ANO6: variants seen among roughly 807,000 people sequenced by gnomAD.
ANO6 encodes anoctamin-6.
Under a neutral mutation model 117.5 loss-of-function variants are expected in ANO6, and 106 were observed. That is an observed-to-expected ratio of 0.90 (90% confidence interval 0.77 to 1.06). The LOEUF is 1.06. Ranked by LOEUF, ANO6 falls within the 50% of genes least tolerant of loss-of-function variation. The pLI, the probability that ANO6 is intolerant of heterozygous loss-of-function variation, is 0.00. For missense variants in ANO6, 955 were observed against 1,121.1 expected (o/e 0.85, Z 2.12); for synonymous variants, 367 against 385.1 (o/e 0.95, Z 0.55).
At chr12:45,311,013 CT>C (rs940460127) in intron 2 of ANO6, among the ~76,000 whole-genome samples, 65 of 151,968 alleles carry the variant, frequency 4.3e-4, no homozygotes, top group African/African-American at 1.5e-3. Flanking sequence ...GAATACATTA[CT>C]TTTTTTTCAA....
At chr12:45,401,129 A>G (rs1942775399) in intron 12 of ANO6, among the ~76,000 whole-genome samples, 1 of 152,200 alleles carries the variant, frequency 6.6e-6, no homozygotes, top group South Asian at 2.1e-4. Flanking sequence ...CTGAGTGTGA[A>G]AAGTGTGTGA....
At chr12:45,220,177 CCAAAAAAGA>C (rs1234866410) in intron 1 of ANO6, among the ~76,000 whole-genome samples, 2 of 151,756 alleles carry the variant, frequency 1.3e-5, no homozygotes, top group South Asian at 2.1e-4. Flanking sequence ...AAAAGTGGTT[CCAAAAAAGA>C]CTATCAGGAA....
chr12:45,361,851 G>A (rs957709203), intron 8 of ANO6, among the ~76,000 whole-genome samples: 3 of 152,010 alleles, frequency 2.0e-5, no homozygotes, highest in Non-Finnish European at 4.4e-5. Context: ...GATCCCACTT[G>A]GTCATAGTAT....
chr12:45,333,858 G>C (rs1233018758), intron 3 of ANO6, among the ~76,000 whole-genome samples: 3 of 151,872 alleles, frequency 2.0e-5, no homozygotes, highest in Admixed American at 2.0e-4. Context: ...TCAAAATCCT[G>C]TTTTCTTTGA....
intron 14 of ANO6, 76 bp from the exon 15 acceptor site, chr12:45,403,363 T>C: frequency 6.5e-7 from 1 of 1,527,226 alleles, no homozygotes; most frequent in African/African-American, 1.4e-5. Context: ...AGAACAAATG[T>C]CAGAAAAATA....
At chr12:45,247,576 C>G (rs141572563) in intron 1 of ANO6, among the ~76,000 whole-genome samples, 2 of 152,332 alleles carry the variant, frequency 1.3e-5, no homozygotes, top group Admixed American at 6.5e-5. Context: ...GTACCACAGT[C>G]TCTACAGCTT....
intron 10 of ANO6, among the ~76,000 whole-genome samples, chr12:45,387,893 G>A (rs754039524): frequency 3.3e-5 from 5 of 151,910 alleles, no homozygotes; most frequent in Non-Finnish European, 7.4e-5. Context: ...ACTTTCCTCC[G>A]TGCTCTCTCT....
At chr12:45,285,746 AAG>A (rs1491510944) in intron 1 of ANO6, among the ~76,000 whole-genome samples, 3 of 152,000 alleles carry the variant, frequency 2.0e-5, no homozygotes, top group South Asian at 4.1e-4. Flanking sequence ...AAAAAAGAAA[AAG>A]AAAAAAAAAG....
intron 3 of ANO6, among the ~76,000 whole-genome samples, chr12:45,342,225 A>C (rs1483047566): frequency 6.6e-6 from 1 of 152,302 alleles, no homozygotes; most frequent in East Asian, 1.9e-4. Flanking sequence ...AGTCCCTTGA[A>C]GGTGATGAGT....
intron 1 of ANO6, among the ~76,000 whole-genome samples, chr12:45,279,654 T>A (rs558406419): frequency 6.6e-6 from 1 of 152,342 alleles, no homozygotes; most frequent in South Asian, 2.1e-4. Flanking sequence ...GACACTTGGG[T>A]TCCATTCCCA....
At chr12:45,385,949 C>T (rs1002834703) in intron 10 of ANO6, among the ~76,000 whole-genome samples, 3 of 152,326 alleles carry the variant, frequency 2.0e-5, no homozygotes, top group Admixed American at 1.3e-4. Flanking sequence ...CATCCCAAGA[C>T]TGCCTCCTGC....
intron 3 of ANO6, among the ~76,000 whole-genome samples, chr12:45,344,582 C>T (rs151191199): frequency 2.0e-5 from 3 of 152,206 alleles, no homozygotes; most frequent in East Asian, 1.9e-4. Context: ...GGGGGAAATC[C>T]GCCCCCATGA....
chr12:45,439,811 T>A, exon 20 of ANO6: 1 of 1,549,506 alleles, frequency 6.5e-7, no homozygotes, highest in South Asian at 1.2e-5. Context: ...ACTTCTGACT[T>A]TATTGACTCC....
At chr12:45,318,191 C>A (rs1016026084) in intron 2 of ANO6, among the ~76,000 whole-genome samples, 31 of 152,238 alleles carry the variant, frequency 2.0e-4, no homozygotes, top group African/African-American at 7.2e-4. Context: ...GACATGAAGT[C>A]CCTGCCCATG....
chr12:45,240,309 G>A lies in ANO6; in HGVS notation c.70+23918G>A, dbSNP rs554474748. Among the ~76,000 whole-genome samples the A allele has an allele frequency of 5.6e-5, 7 of 125,180 alleles. No individual in the cohort carries two copies. The South Asian group carries it at 1.4e-3, about 25-fold the overall frequency. The allele number at this position is 125,180 out of a possible 152,430, so 82.1% of individuals were successfully genotyped here. ...TCTTTGTCTCTTTTGATCTTTGTTC[G>A]TTTAATGTCTGTTTTATCAGAGACT... On this transcript the variant is annotated intron_variant, in intron 1 of 19. Transcript: ENST00000320560.
intron 8 of ANO6, among the ~76,000 whole-genome samples, chr12:45,358,503 A>C (rs1318998588): frequency 6.6e-6 from 1 of 152,198 alleles, no homozygotes; most frequent in Non-Finnish European, 1.5e-5. Flanking sequence ...AATACATTTC[A>C]AAGTGCAGAA....
intron 10 of ANO6, chr12:45,383,139 A>G (rs1942211454): frequency 4.5e-6 from 1 of 220,900 alleles, no homozygotes; most frequent in Non-Finnish European, 9.1e-6. Context: ...CGTTTCAGTA[A>G]TGACAGCATC....
At chr12:45,322,373 A>G (rs996881306) in intron 2 of ANO6, among the ~76,000 whole-genome samples, 1 of 152,124 alleles carries the variant, frequency 6.6e-6, no homozygotes, top group Non-Finnish European at 1.5e-5. Context: ...AAGGACCATG[A>G]CATAGTCAAA....
chr12:45,224,758 T>C (rs1037703945), intron 1 of ANO6, among the ~76,000 whole-genome samples: 2 of 152,236 alleles, frequency 1.3e-5, no homozygotes, highest in South Asian at 2.1e-4. Context: ...CAGTCACATA[T>C]GTCGATTGCT....
Sources: gnomAD v4.1 joint callset for allele counts (sites outside exome capture counted in the v4.1 genomes callset) on GRCh38, gnomAD v4.1.1 for gene constraint, MANE v1.5 for transcripts, NCBI Gene and HGNC (gene_info 2026-07-23, HGNC 2026-07-21) for gene names.